Variants in SLC25A24 observed in about 807,000 individuals in gnomAD.
SLC25A24 encodes mitochondrial adenyl nucleotide antiporter SLC25A24.
In SLC25A24, 49 loss-of-function variants were observed where a neutral mutation model predicts 60.7. The observed-to-expected ratio is 0.81, with a 90% CI of 0.64 to 1.02. The LOEUF is 1.02. Ranked by LOEUF, SLC25A24 falls within the 50% of genes least tolerant of loss-of-function variation. The pLI, the probability that SLC25A24 is intolerant of heterozygous loss-of-function variation, is 0.00. For missense variants in SLC25A24, 564 were observed against 586.3 expected (o/e 0.96, Z 0.39); for synonymous variants, 202 against 200.6 (o/e 1.01, Z -0.06).
chr1:108,181,458 A>C (rs1558024315), intron 3 of SLC25A24, among the ~76,000 whole-genome samples: 1 of 152,344 alleles, frequency 6.6e-6, no homozygotes, highest in East Asian at 1.9e-4. Flanking sequence ...TGATTGCCCC[A>C]GACAATAAGG....
intron 1 of SLC25A24, among the ~76,000 whole-genome samples, chr1:108,190,412 T>C (rs1165721332): frequency 1.3e-5 from 2 of 152,150 alleles, no homozygotes; most frequent in African/African-American, 4.8e-5. Flanking sequence ...GCTTTGTGTA[T>C]TGTCTCTAGA....
At chr1:108,162,564 A>G (rs1680117910) in intron 3 of SLC25A24, among the ~76,000 whole-genome samples, 1 of 151,354 alleles carries the variant, frequency 6.6e-6, no homozygotes, top group Non-Finnish European at 1.5e-5. Flanking sequence ...GCATTTTTTC[A>G]TGTGTTTTTT....
Position 108,187,927 on chromosome 1 carries a change from G to GATAGATAGATAGATATATATAT in SLC25A24, c.184-1974_184-1973insATATATATATCTATCTATCTAT. The stretch of plus-strand genomic sequence containing the variant: ...TACACGAAATGGATAAGACATTATA[G>GATAGATAGATAGATATATATAT]ATATATATATATATATATTCATGCA... On this transcript the variant is annotated intron_variant, in intron 1 of 9. Coordinates refer to ENST00000565488, the MANE Select transcript of SLC25A24 (RefSeq NM_013386.5). Among the ~76,000 whole-genome samples, 9 of 95,770 alleles carry GATAGATAGATAGATATATATAT rather than the reference G, an allele frequency of 9.4e-5. No individual in the cohort carries two copies. In the South Asian group the frequency reaches 9.7e-4, roughly 10 times the overall value. The allele number at this position is 95,770 out of a possible 152,430, so 62.8% of individuals were successfully genotyped here. A position where few individuals can be genotyped will look rare whatever the true frequency, so the allele number is the denominator to read the frequency against.
intron 3 of SLC25A24, among the ~76,000 whole-genome samples, chr1:108,167,130 A>G (rs1188040599): frequency 1.3e-5 from 2 of 151,772 alleles, no homozygotes; most frequent in African/African-American, 4.8e-5. Flanking sequence ...GACCCACTTG[A>G]GGAGGCAGTC....
At chr1:108,167,781 C>T (rs879277205) in intron 3 of SLC25A24, among the ~76,000 whole-genome samples, 1 of 152,166 alleles carries the variant, frequency 6.6e-6, no homozygotes, top group Non-Finnish European at 1.5e-5. Context: ...AGCTGTAGAC[C>T]AGAGCTGTTC....
intron 3 of SLC25A24, among the ~76,000 whole-genome samples, chr1:108,165,057 A>G (rs1314638709): frequency 1.4e-5 from 2 of 146,054 alleles, no homozygotes; most frequent in Non-Finnish European, 3.0e-5. Context: ...TGTACCCAGT[A>G]GTCATTCAGG....
intron 4 of SLC25A24, among the ~76,000 whole-genome samples, chr1:108,159,464 G>GT (rs60246776): frequency 0.49 from 63,537 of 130,918 alleles, 15,570 homozygotes; most frequent in African/African-American, 0.59. Context: ...GTCTTGGGTT[G>GT]TTTTTTTTTT....
intron 9 of SLC25A24, among the ~76,000 whole-genome samples, chr1:108,137,112 T>C (rs1004044563): frequency 2.6e-5 from 4 of 152,098 alleles, no homozygotes; most frequent in Admixed American, 6.6e-5. Context: ...GCAAGGTAAA[T>C]GTTATATCAA....
At chr1:108,195,215 G>A (rs1245454935) in intron 1 of SLC25A24, among the ~76,000 whole-genome samples, 1 of 152,144 alleles carries the variant, frequency 6.6e-6, no homozygotes, top group Non-Finnish European at 1.5e-5. Flanking sequence ...TAAAGAAAGT[G>A]GGCTAGGAAG....
chr1:108,166,035 T>C (rs1428858866), intron 3 of SLC25A24, among the ~76,000 whole-genome samples: 1 of 152,134 alleles, frequency 6.6e-6, no homozygotes, highest in African/African-American at 2.4e-5. Context: ...AAGGATTTTA[T>C]TTCTCCTTCA....
intron 9 of SLC25A24, 26 bp downstream of exon 9, chr1:108,139,032 G>T (rs758910340): frequency 1.3e-6 from 2 of 1,542,806 alleles, no homozygotes; most frequent in Admixed American, 4.1e-5. Context: ...ACTTTTATCG[G>T]TGTGGTTCTG....
Position 108,182,014 on chromosome 1 carries a change from A to G in SLC25A24, c.325T>C (p.Ser109Pro), listed in dbSNP as rs1038540949. ...GTCTGGAGAGACTGGACAATTTCTG[A>G]AGCCTCAATTTTTCCTTTAAAAAAA... Reference protein sequence around the residue: ...DKNNDGKIEASEIVQSLQTLG... With the variant: ...DKNNDGKIEAPEIVQSLQTLG... The change falls in exon 3 of 10, where the codon TCA becomes CCA. Residue 109 changes from serine (S) to proline (P), a missense_variant. Physicochemically the swap from Ser to Pro is moderately conservative, Grantham distance 74 (BLOSUM62 -1). Transcript: ENST00000565488. The G allele has an allele frequency of 7.5e-6, 12 of 1,610,152 alleles. No homozygotes were observed. The highest frequency in any genetic ancestry group is 3.3e-5 in the Admixed American group (2 of 59,784).
intron 8 of SLC25A24, among the ~76,000 whole-genome samples, chr1:108,142,869 T>C (rs1679478742): frequency 1.3e-5 from 2 of 152,080 alleles, no homozygotes; most frequent in South Asian, 2.1e-4. Context: ...TAAATCTCAA[T>C]AAAGCTCTTT....
intron 4 of SLC25A24, among the ~76,000 whole-genome samples, chr1:108,159,470 T>TG (rs1403846118): frequency 2.0e-5 from 3 of 151,262 alleles, no homozygotes; most frequent in East Asian, 1.9e-4. Flanking sequence ...GGTTGTTTTT[T>TG]TTTTTTTTTT....
chr1:108,178,149 A>G (rs1647760347), intron 3 of SLC25A24, among the ~76,000 whole-genome samples: 1 of 148,734 alleles, frequency 6.7e-6, no homozygotes, highest in Non-Finnish European at 1.5e-5. Context: ...TGACAGAGTG[A>G]GACTCCGTCT....
intron 7 of SLC25A24, 71 bp from the exon 8 acceptor site, chr1:108,143,781 T>C (rs1679511408): frequency 8.3e-7 from 1 of 1,203,556 alleles, no homozygotes; most frequent in Non-Finnish European, 1.2e-6. Context: ...AATGAAGTAA[T>C]TTTACATGGA....
chr1:108,185,716 A>C (rs1308022737), intron 2 of SLC25A24, 112 bp downstream of exon 2: 2 of 797,848 alleles, frequency 2.5e-6, no homozygotes. Context: ...TATTAACACA[A>C]ATAATAATTA....
At chr1:108,157,035 T>G (rs1352997278) in intron 5 of SLC25A24, among the ~76,000 whole-genome samples, 1 of 152,248 alleles carries the variant, frequency 6.6e-6, no homozygotes, top group African/African-American at 2.4e-5. Flanking sequence ...GCAAAGTCAG[T>G]CTATAAAGCC....
chr1:108,135,898 C>T lies in SLC25A24; in HGVS notation c.*755G>A, dbSNP rs988165099. On this transcript the variant is annotated 3_prime_UTR_variant, in exon 10 of 10. Coordinates refer to ENST00000565488, the MANE Select transcript of SLC25A24 (RefSeq NM_013386.5). Reference sequence around the variant, plus strand: ...ATGCTCTGCAGAAGCTGATACAAGTCAAAGGATTTCGTTTCCTGCTGCTTT... The same window carrying T: ...ATGCTCTGCAGAAGCTGATACAAGTTAAAGGATTTCGTTTCCTGCTGCTTT... 1 of 152,348 alleles carries T rather than the reference C, an allele frequency of 6.6e-6. No individual in the cohort carries two copies. The highest frequency in any genetic ancestry group is 2.4e-5 in the African/African-American group (1 of 41,458). The allele number at this position is 152,348 out of a possible 1,614,324, so 9.4% of individuals were successfully genotyped here. A position where few individuals can be genotyped will look rare whatever the true frequency, so the allele number is the denominator to read the frequency against.
Sources: allele counts gnomAD v4.1 joint callset (sites outside exome capture counted in the v4.1 genomes callset), GRCh38; gene constraint gnomAD v4.1.1; transcripts MANE v1.5; gene names NCBI Gene and HGNC (gene_info 2026-07-23, HGNC 2026-07-21).